RHOA: variants seen among roughly 807,000 people sequenced by gnomAD.
The protein encoded by RHOA is ras homolog family member A.
Under a neutral mutation model 17.5 loss-of-function variants are expected in RHOA, and 3 were observed. The ratio of observed to expected loss-of-function variants is 0.17; its 90% CI spans 0.08 to 0.44. The LOEUF is 0.44. Ranked by LOEUF, RHOA falls within the 20% of genes least tolerant of loss-of-function variation. The pLI is 0.99. For missense variants in RHOA, 56 were observed against 242.3 expected, an observed-to-expected ratio of 0.23 and a Z score of 5.10; for synonymous variants, 98 against 88.4, an observed-to-expected ratio of 1.11 and a Z score of -0.61.
chr3:49,366,395 A>C (rs1330740661), intron 3 of RHOA, among the ~76,000 whole-genome samples: 1 of 152,120 alleles, frequency 6.6e-6, no homozygotes, highest in Non-Finnish European at 1.5e-5. Flanking sequence ...CAGAGGTCAG[A>C]AGTTTGAGAG....
chr3:49,404,431 A>ACACACACACACACACACAC (rs2048778956), intron 1 of RHOA, among the ~76,000 whole-genome samples: 1 of 23,732 alleles, frequency 4.2e-5, no homozygotes. Flanking sequence ...CGTCTCTAGT[A>ACACACACACACACACACAC]AAACACACAC....
intron 1 of RHOA, among the ~76,000 whole-genome samples, chr3:49,386,308 A>C (rs1268100699): frequency 6.6e-6 from 1 of 152,188 alleles, no homozygotes; most frequent in African/African-American, 2.4e-5. Flanking sequence ...GCATCAAACT[A>C]AATGTAGGGA....
In RHOA at chr3:49,411,891, G is replaced by A. The variant is rs2048945372; in HGVS notation, c.-74C>T. On this transcript the variant is annotated 5_prime_UTR_variant, in exon 1 of 5. Coordinates refer to ENST00000418115, the MANE Select transcript of RHOA (RefSeq NM_001664.4). Reference sequence around the variant, plus strand: ...GTCCGCGAGTCGCAAACTCGGAGACGAAGGCGGGTAGCTGAAGACCAGACC... The same window carrying A: ...GTCCGCGAGTCGCAAACTCGGAGACAAAGGCGGGTAGCTGAAGACCAGACC... 6.6e-6 allele frequency: 1 copy of A among 152,238 alleles called. No individual in the cohort carries two copies. Among genetic ancestry groups the A allele is most frequent in the African/African-American group, 2.4e-5 (1 of 41,444 alleles). 9.4% of individuals were successfully genotyped at this position (152,238 alleles called of 1,614,324 possible).
chr3:49,381,159 C>A (rs1254940809), intron 1 of RHOA, among the ~76,000 whole-genome samples: 1 of 151,988 alleles, frequency 6.6e-6, no homozygotes, highest in Non-Finnish European at 1.5e-5. Flanking sequence ...AATGCCAGCA[C>A]TTTGGGAGGC....
chr3:49,395,642 G>A (rs919121261), intron 1 of RHOA, among the ~76,000 whole-genome samples: 1 of 152,024 alleles, frequency 6.6e-6, no homozygotes, highest in Non-Finnish European at 1.5e-5. Flanking sequence ...GAACCCAGGA[G>A]GCGGAGGTTG....
At chr3:49,381,696 C>T (rs1260515041) in intron 1 of RHOA, among the ~76,000 whole-genome samples, 1 of 151,752 alleles carries the variant, frequency 6.6e-6, no homozygotes, top group Non-Finnish European at 1.5e-5. Flanking sequence ...GAAACCCCAT[C>T]TCTACTAAAA....
At chr3:49,407,232 G>GTTTTTTT (rs61556875) in intron 1 of RHOA, among the ~76,000 whole-genome samples, 9 of 70,064 alleles carry the variant, frequency 1.3e-4, no homozygotes, top group African/African-American at 2.1e-4. Context: ...AATCCTTTCC[G>GTTTTTTT]TTTTTTTTTT....
At chr3:49,384,518 T>C (rs985274663) in intron 1 of RHOA, among the ~76,000 whole-genome samples, 3 of 152,016 alleles carry the variant, frequency 2.0e-5, no homozygotes, top group Non-Finnish European at 4.4e-5. Context: ...CTTTTAATTT[T>C]TTTTTTTTGA....
intron 1 of RHOA, among the ~76,000 whole-genome samples, chr3:49,410,674 A>G (rs1220659818): frequency 2.0e-5 from 3 of 152,236 alleles, no homozygotes; most frequent in South Asian, 2.1e-4. Context: ...TCCGCATGGT[A>G]CACATTACAC....
intron 2 of RHOA, among the ~76,000 whole-genome samples, chr3:49,373,668 G>T (rs914993522): frequency 6.6e-6 from 1 of 152,118 alleles, no homozygotes; most frequent in African/African-American, 2.4e-5. Flanking sequence ...CCCAGGTGTG[G>T]TGGCACATAC....
In RHOA at chr3:49,375,609, G is replaced by C. The variant is rs753396273; in HGVS notation, c.-2-18C>G. ...AGCCATTGCTGAAACACAAAACACA[G>C]ATATTACCTGCAATGCACAAGAAGT... On this transcript the variant is annotated intron_variant, in intron 1 of 4. Coordinates refer to ENST00000418115, the MANE Select transcript of RHOA (RefSeq NM_001664.4). 6.2e-7 allele frequency: 1 copy of C among 1,610,558 alleles called. No homozygotes were observed.
intron 2 of RHOA, among the ~76,000 whole-genome samples, chr3:49,371,961 G>A (rs1228923653): frequency 2.6e-5 from 4 of 152,190 alleles, no homozygotes; most frequent in Non-Finnish European, 5.9e-5. Context: ...CATGCTTACA[G>A]ACATGCAGCA....
intron 2 of RHOA, among the ~76,000 whole-genome samples, chr3:49,372,732 T>C (rs1434598811): frequency 7.8e-5 from 3 of 38,378 alleles, no homozygotes; most frequent in South Asian, 1.3e-3. Context: ...AGACTCTGTC[T>C]CAAAAAAAAA....
At chr3:49,378,240 C>CTTTTTT (rs71077802) in intron 1 of RHOA, among the ~76,000 whole-genome samples, 26 of 60,700 alleles carry the variant, frequency 4.3e-4, no homozygotes, top group Non-Finnish European at 5.6e-4. Context: ...ATCCATCTAT[C>CTTTTTT]TTTTTTTTTT....
chr3:49,391,547 G>A (rs145671292), intron 1 of RHOA, among the ~76,000 whole-genome samples: 17 of 152,248 alleles, frequency 1.1e-4, no homozygotes, highest in African/African-American at 4.1e-4. Context: ...GCCACATTGT[G>A]ACTTTCTTTT....
rs1287627448 is a variant in RHOA at position 49,404,511 on chromosome 3, T to A, written c.-3+7309A>T. On this transcript the variant is annotated intron_variant, in intron 1 of 4. Transcript: ENST00000418115. ...CTGTAGTCCCAGCTACTTGGGAGGC[T>A]GAGGCAGGAGAATCGCTTGCACCCT... Among the ~76,000 whole-genome samples the A allele has an allele frequency of 3.6e-5, 5 of 137,864 alleles. No individual in the cohort carries two copies. The Admixed American group carries it at 4.0e-4, about 11-fold the overall frequency. 90.4% of individuals were successfully genotyped at this position (137,864 alleles called of 152,430 possible).
At chr3:49,408,630 T>C (rs2048879151) in intron 1 of RHOA, among the ~76,000 whole-genome samples, 1 of 151,786 alleles carries the variant, frequency 6.6e-6, no homozygotes, top group Non-Finnish European at 1.5e-5. Context: ...GAAATTTTAA[T>C]CCCACAAATG....
intron 1 of RHOA, among the ~76,000 whole-genome samples, chr3:49,409,627 T>C (rs1281021868): frequency 6.6e-6 from 1 of 152,132 alleles, no homozygotes; most frequent in Non-Finnish European, 1.5e-5. Context: ...AACTAGCACC[T>C]TCTCCAGTCA....
intron 1 of RHOA, among the ~76,000 whole-genome samples, chr3:49,393,323 T>C (rs2048541995): frequency 6.6e-6 from 1 of 151,994 alleles, no homozygotes; most frequent in South Asian, 2.1e-4. Flanking sequence ...AACTTTTTTT[T>C]CCAGAGAGGG....
Sources: gnomAD v4.1 joint callset for allele counts (sites outside exome capture counted in the v4.1 genomes callset) on GRCh38, gnomAD v4.1.1 for gene constraint, MANE v1.5 for transcripts, NCBI Gene and HGNC (gene_info 2026-07-23, HGNC 2026-07-21) for gene names.